SKAP2: variants seen among roughly 807,000 people sequenced by gnomAD.
SKAP2 encodes the protein src kinase-associated phosphoprotein 2.
SKAP2 carries 28 observed loss-of-function variants against 54.9 expected under a neutral mutation model. The observed-to-expected ratio is 0.51, with a 90% confidence interval of 0.38 to 0.70. The LOEUF is 0.70. Among genes scored for constraint, SKAP2 ranks in the 30% least tolerant of loss-of-function variants. The probability of loss-of-function intolerance (pLI) is 0.00; values close to 1 mark genes in which losing one functional copy is unlikely to be tolerated. For synonymous variants in SKAP2, 137 were observed against 134.3 expected, an observed-to-expected ratio of 1.02 and a Z score of -0.14; for missense variants, 356 against 424.1, an observed-to-expected ratio of 0.84 and a Z score of 1.41.
At chr7:26,845,669 G>A (rs191355424) in intron 3 of SKAP2, among the ~76,000 whole-genome samples, 96 of 152,246 alleles carry the variant, frequency 6.3e-4, no homozygotes, top group African/African-American at 2.1e-3. Flanking sequence ...CAGTGCTCAC[G>A]CCTGTAATCT....
intron 4 of SKAP2, among the ~76,000 whole-genome samples, chr7:26,800,224 A>T (rs962491054): frequency 6.6e-6 from 1 of 152,200 alleles, no homozygotes; most frequent in Non-Finnish European, 1.5e-5. Context: ...GGAATTTTGG[A>T]AACTACACAA....
At chr7:26,760,857 G>C (rs1285850878) in intron 4 of SKAP2, among the ~76,000 whole-genome samples, 1 of 152,096 alleles carries the variant, frequency 6.6e-6, no homozygotes, top group Admixed American at 6.6e-5. Flanking sequence ...TGAAAGAACT[G>C]TCTGACCAGA....
chr7:26,738,433 G>C (rs1040647006), intron 6 of SKAP2, among the ~76,000 whole-genome samples: 1 of 152,030 alleles, frequency 6.6e-6, no homozygotes, highest in African/African-American at 2.4e-5. Context: ...AAATATTTAA[G>C]AAAAATAATC....
intron 9 of SKAP2, among the ~76,000 whole-genome samples, chr7:26,719,837 C>A (rs752768103): frequency 4.6e-5 from 7 of 152,228 alleles, no homozygotes; most frequent in Non-Finnish European, 1.0e-4. Context: ...AATGAATTAA[C>A]TCATATGGAG....
intron 4 of SKAP2, among the ~76,000 whole-genome samples, chr7:26,841,291 T>C (rs1784811820): frequency 6.6e-6 from 1 of 152,000 alleles, no homozygotes; most frequent in Non-Finnish European, 1.5e-5. Context: ...AAGTGAACTC[T>C]GCCTGTTAGC....
chr7:26,677,532 GA>G (rs1006860936), intron 11 of SKAP2, among the ~76,000 whole-genome samples: 115 of 151,678 alleles, frequency 7.6e-4, no homozygotes, highest in African/African-American at 2.7e-3. Flanking sequence ...AATAGACACA[GA>G]AAATAAGCAT....
intron 9 of SKAP2, among the ~76,000 whole-genome samples, chr7:26,696,308 G>A (rs922418818): frequency 6.6e-6 from 1 of 152,178 alleles, no homozygotes; most frequent in Non-Finnish European, 1.5e-5. Flanking sequence ...AAAGATGACT[G>A]AAATAGCATA....
intron 4 of SKAP2, among the ~76,000 whole-genome samples, chr7:26,748,198 CTCTT>C (rs1782600358): frequency 6.6e-6 from 1 of 152,068 alleles, no homozygotes; most frequent in African/African-American, 2.4e-5. Context: ...TGAAAAAAAT[CTCTT>C]TAAGATTTCT....
At chr7:26,771,377 A>C (rs979224377) in intron 4 of SKAP2, among the ~76,000 whole-genome samples, 6 of 152,218 alleles carry the variant, frequency 3.9e-5, no homozygotes, top group African/African-American at 1.4e-4. Flanking sequence ...AGAGAAGTCA[A>C]CAAGTTGAAT....
chr7:26,767,719 C>G (rs1003278849), intron 4 of SKAP2, among the ~76,000 whole-genome samples: 3 of 152,152 alleles, frequency 2.0e-5, no homozygotes, highest in African/African-American at 7.2e-5. Flanking sequence ...TCGTTATTTA[C>G]CCAGTAGTCA....
rs547369112 is a variant in SKAP2 at position 26,802,761 on chromosome 7, G to A, written c.307+41269C>T. 3.9e-5 allele frequency among the ~76,000 whole-genome samples: 6 copies of A among 152,150 alleles called. No individual in the cohort carries two copies. In the South Asian group the frequency reaches 1.2e-3, roughly 32 times the overall value. On this transcript the variant is annotated intron_variant, in intron 4 of 12. Coordinates refer to ENST00000345317, the MANE Select transcript of SKAP2 (RefSeq NM_003930.5). ...CCAGACATGGTAGCACGTGCCTGTA[G>A]TCCCAGCTACTCGGGAGGGTGAGGC...
intron 6 of SKAP2, among the ~76,000 whole-genome samples, chr7:26,728,360 T>G (rs1787752607): frequency 6.6e-6 from 1 of 152,158 alleles, no homozygotes; most frequent in African/African-American, 2.4e-5. Context: ...GAGCCCTTAG[T>G]ACATTTACAT....
At chr7:26,775,928 C>A (rs953743016) in intron 4 of SKAP2, among the ~76,000 whole-genome samples, 3 of 152,024 alleles carry the variant, frequency 2.0e-5, no homozygotes, top group African/African-American at 7.2e-5. Context: ...TTGTTTCTAC[C>A]TGGCTTTTTA....
At chr7:26,753,436 C>T (rs904470031) in intron 4 of SKAP2, among the ~76,000 whole-genome samples, 2 of 152,014 alleles carry the variant, frequency 1.3e-5, no homozygotes, top group Non-Finnish European at 2.9e-5. Flanking sequence ...AAAATATGGT[C>T]TAAGCTAACG....
At chr7:26,733,343 T>G (rs1433702929) in intron 6 of SKAP2, among the ~76,000 whole-genome samples, 1 of 151,892 alleles carries the variant, frequency 6.6e-6, no homozygotes, top group Admixed American at 6.6e-5. Flanking sequence ...ATTTAATATA[T>G]ATCATCTTGA....
chr7:26,776,222 G>A (rs1056984822), intron 4 of SKAP2, among the ~76,000 whole-genome samples: 14 of 152,004 alleles, frequency 9.2e-5, no homozygotes, highest in African/African-American at 3.4e-4. Context: ...CCTTAATGGT[G>A]AAATCCTCCC....
intron 4 of SKAP2, among the ~76,000 whole-genome samples, chr7:26,795,410 C>G (rs776376738): frequency 1.3e-4 from 20 of 152,150 alleles, no homozygotes; most frequent in Non-Finnish European, 1.9e-4. Context: ...TTATTTTAAT[C>G]TTATCGTAGA....
chr7:26,833,397 C>CAAAAAAAAAAAA (rs1218013639), intron 4 of SKAP2, among the ~76,000 whole-genome samples: 1 of 85,122 alleles, frequency 1.2e-5, no homozygotes, highest in Non-Finnish European at 2.3e-5. Flanking sequence ...GACTCCGTCT[C>CAAAAAAAAAAAA]AAAAAAAAAA....
chr7:26,742,661 T>C (rs75463709), intron 4 of SKAP2, among the ~76,000 whole-genome samples: 7,607 of 152,164 alleles, frequency 0.05, 647 homozygotes, highest in African/African-American at 0.17. Context: ...TGAAATTTCA[T>C]TTTTCTAAAC....
Sources: allele counts gnomAD v4.1 joint callset (sites outside exome capture counted in the v4.1 genomes callset), GRCh38; gene constraint gnomAD v4.1.1; transcripts MANE v1.5; gene names NCBI Gene and HGNC (gene_info 2026-07-23, HGNC 2026-07-21).